SLCO1B3: variants seen among roughly 807,000 people sequenced by gnomAD.
SLCO1B3 encodes solute carrier organic anion transporter family member 1B3.
In SLCO1B3, 72 loss-of-function variants were observed where a neutral mutation model predicts 71.8. The observed-to-expected ratio is 1.00, with a 90% CI of 0.83 to 1.22. SLCO1B3 has a LOEUF of 1.22. Ranked by LOEUF, SLCO1B3 falls within the 50% of genes most tolerant of loss-of-function variation. The pLI is 0.00. For synonymous variants in SLCO1B3, 298 were observed against 278.4 expected (o/e 1.07, Z -0.70); for missense variants, 911 against 819.7 (o/e 1.11, Z -1.36).
chr12:20,874,776 G>A (rs868355849), intron 8 of SLCO1B3, among the ~76,000 whole-genome samples: 1 of 152,136 alleles, frequency 6.6e-6, no homozygotes, highest in Non-Finnish European at 1.5e-5. Flanking sequence ...AGGGTGCTGT[G>A]GATGGAAGCT....
chr12:20,833,409 C>CAT (rs946976732), intron 3 of SLCO1B3, among the ~76,000 whole-genome samples: 2 of 149,712 alleles, frequency 1.3e-5, no homozygotes, highest in African/African-American at 4.9e-5. Context: ...ATGAAGAATA[C>CAT]ATATATATAG....
At chr12:20,834,646 A>G (rs1443446249) in intron 3 of SLCO1B3, among the ~76,000 whole-genome samples, 1 of 151,964 alleles carries the variant, frequency 6.6e-6, no homozygotes, top group Non-Finnish European at 1.5e-5. Context: ...CTCAGTGTGT[A>G]TAAGCTGAAT....
intron 3 of SLCO1B3, among the ~76,000 whole-genome samples, chr12:20,823,460 G>T (rs1403966470): frequency 6.6e-6 from 1 of 152,026 alleles, no homozygotes; most frequent in Non-Finnish European, 1.5e-5. Context: ...CAAACAACAG[G>T]TACTATAATT....
At chr12:20,865,020 T>C (rs563545654) in intron 8 of SLCO1B3, among the ~76,000 whole-genome samples, 1 of 152,198 alleles carries the variant, frequency 6.6e-6, no homozygotes, top group South Asian at 2.1e-4. Flanking sequence ...GCTTTCTGAT[T>C]GGTTTTCCAG....
chr12:20,888,960 GA>G (rs1565603520), intron 13 of SLCO1B3, among the ~76,000 whole-genome samples: 1 of 151,878 alleles, frequency 6.6e-6, no homozygotes, highest in East Asian at 1.9e-4. Context: ...TACGCTTTTT[GA>G]AAAAAGATTT....
chr12:20,881,814 C>T (rs1261466539), intron 12 of SLCO1B3, among the ~76,000 whole-genome samples: 1 of 152,146 alleles, frequency 6.6e-6, no homozygotes, highest in African/African-American at 2.4e-5. Context: ...TTTTCAGGCC[C>T]TTTCCCTATT....
At chr12:20,904,964 G>GC (rs771209524) in intron 15 of SLCO1B3, among the ~76,000 whole-genome samples, 6 of 151,678 alleles carry the variant, frequency 4.0e-5, no homozygotes, top group Non-Finnish European at 7.4e-5. Context: ...AGTAGAGATG[G>GC]GGTCTTGCCA....
intron 1 of SLCO1B3, among the ~76,000 whole-genome samples, chr12:20,812,396 G>A (rs1417642674): frequency 6.6e-6 from 1 of 152,142 alleles, no homozygotes; most frequent in South Asian, 2.1e-4. Context: ...AAGGATGAGA[G>A]GATGAGAGAG....
chr12:20,847,188 T>G (rs1331063622), intron 3 of SLCO1B3, among the ~76,000 whole-genome samples: 2 of 151,106 alleles, frequency 1.3e-5, no homozygotes, highest in African/African-American at 4.9e-5. Context: ...ATCCTCAGGC[T>G]CAGCCCAAGG....
At chr12:20,881,365 T>A (rs565829849) in intron 12 of SLCO1B3, among the ~76,000 whole-genome samples, 1 of 152,320 alleles carries the variant, frequency 6.6e-6, no homozygotes, top group East Asian at 1.9e-4. Context: ...TTATTTGGAA[T>A]TACTTTACCC....
At chr12:20,834,402 ATAAT>A (rs1864626977) in intron 3 of SLCO1B3, among the ~76,000 whole-genome samples, 1 of 146,480 alleles carries the variant, frequency 6.8e-6, no homozygotes, top group Non-Finnish European at 1.5e-5. Flanking sequence ...TAGGTTATAT[ATAAT>A]ATAACCTTTG....
rs1411360047 is a variant in SLCO1B3 at position 20,883,491 on chromosome 12, G to A, written c.1571G>A (p.Cys524Tyr). The A allele has an allele frequency of 1.3e-6, 2 of 1,599,116 alleles. No homozygotes were observed. The highest frequency in any genetic ancestry group is 2.2e-5 in the South Asian group (2 of 89,458). The change falls in exon 13 of 16, where the codon TGC becomes TAC. Residue 524 changes from cysteine to tyrosine, a missense_variant. By Grantham distance (194) the Cys-to-Tyr change is radical. Transcript: ENST00000381545. ...NRNYSAHLGE[C>Y]PRDNTCTRKF... ...AATTACTCAGCACACTTGGGTGAAT[G>A]CCCAAGAGATAATACTTGTACAAGG...
At chr12:20,858,765 A>G (rs938873579) in intron 5 of SLCO1B3, 194 bp downstream of exon 5, 1 of 371,566 alleles carries the variant, frequency 2.7e-6, no homozygotes, top group African/African-American at 2.1e-5. Flanking sequence ...TTTATTTATC[A>G]TGGCTTTTAT....
At chr12:20,900,454 CA>C (rs1866106356) in intron 14 of SLCO1B3, among the ~76,000 whole-genome samples, 1 of 151,976 alleles carries the variant, frequency 6.6e-6, no homozygotes, top group African/African-American at 2.4e-5. Flanking sequence ...AAATTTTGAA[CA>C]AATTACCTAT....
chr12:20,889,887 C>T (rs1380354373), intron 13 of SLCO1B3, among the ~76,000 whole-genome samples: 1 of 149,854 alleles, frequency 6.7e-6, no homozygotes, highest in African/African-American at 2.5e-5. Flanking sequence ...TATGTTGTGT[C>T]TTTATTTTCA....
chr12:20,908,751 T>C (rs1489942977), intron 15 of SLCO1B3, among the ~76,000 whole-genome samples: 1 of 152,218 alleles, frequency 6.6e-6, no homozygotes, highest in Non-Finnish European at 1.5e-5. Context: ...AATAATTGAT[T>C]GTCTCAATAC....
At chr12:20,881,084 T>A in intron 12 of SLCO1B3, 64 bp downstream of exon 12, 2 of 1,209,682 alleles carry the variant, frequency 1.7e-6, no homozygotes. Flanking sequence ...ATTTAATAAA[T>A]ACTTATCAAA....
chr12:20,881,100 C>G, intron 12 of SLCO1B3, 80 bp downstream of exon 12: 2 of 1,039,798 alleles, frequency 1.9e-6, no homozygotes, highest in Non-Finnish European at 2.8e-6. Context: ...TCAAATCTTC[C>G]TATAACTAAG....
chr12:20,846,144 A>G (rs1392282354), intron 3 of SLCO1B3, among the ~76,000 whole-genome samples: 1 of 152,058 alleles, frequency 6.6e-6, no homozygotes, highest in African/African-American at 2.4e-5. Context: ...CTTTGGTAAC[A>G]TTCACTATAT....
Sources: gnomAD v4.1 joint callset for allele counts (sites outside exome capture counted in the v4.1 genomes callset) on GRCh38, gnomAD v4.1.1 for gene constraint, MANE v1.5 for transcripts, NCBI Gene and HGNC (gene_info 2026-07-23, HGNC 2026-07-21) for gene names.